LRRC14: variants seen among roughly 807,000 people sequenced by gnomAD.
The protein encoded by LRRC14 is leucine rich repeat containing 14.
Under a neutral mutation model 25.3 loss-of-function variants are expected in LRRC14, and 16 were observed. The ratio of observed to expected loss-of-function variants is 0.63; its 90% CI spans 0.43 to 0.96. The LOEUF (loss-of-function observed/expected upper bound fraction) is 0.96, where lower values mean the gene tolerates loss of function less well. Ranked by LOEUF, LRRC14 falls within the 40% of genes least tolerant of loss-of-function variation. The probability of loss-of-function intolerance (pLI) is 0.00; values close to 1 mark genes in which losing one functional copy is unlikely to be tolerated. For missense variants in LRRC14, 594 were observed against 660.5 expected, an observed-to-expected ratio of 0.90 and a Z score of 1.10; for synonymous variants, 359 against 295.1, an observed-to-expected ratio of 1.22 and a Z score of -2.22.
Position 144,520,937 on chromosome 8 carries a change from T to C in LRRC14, c.941T>C (p.Leu314Pro). The change falls in exon 4 of 4, where the codon CTG becomes CCG. Residue 314 changes from leucine (L) to proline (P), a missense_variant. Physicochemically the swap from Leu to Pro is moderately conservative, Grantham distance 98. Transcript: ENST00000292524. ...LSTLQSPLES[L>P]ELAFCALLPE... ...ACCCTGCAGAGCCCCCTGGAGAGCCTGGAGTTGGCCTTCTGTGCTCTGCTG... is the reference window on the plus strand; with the variant it reads ...ACCCTGCAGAGCCCCCTGGAGAGCCCGGAGTTGGCCTTCTGTGCTCTGCTG... 1 of 1,612,338 alleles carries C rather than the reference T, an allele frequency of 6.2e-7. No individual in the cohort carries two copies. The highest frequency in any genetic ancestry group is 8.5e-7 in the Non-Finnish European group (1 of 1,179,894).
In LRRC14 at chr8:144,521,728, C is replaced by T. The variant is rs1317453857; in HGVS notation, c.*250C>T. On this transcript the variant is annotated 3_prime_UTR_variant, in exon 4 of 4. Coordinates refer to ENST00000292524, the MANE Select transcript of LRRC14 (RefSeq NM_014665.4). ...GGGCTGGATGTCAGGCCTCCATTGC[C>T]CTGCTCAGTTTGGCTGCATTTGGCT... is the stretch of plus-strand genomic sequence containing the variant. 5.6e-6 allele frequency: 3 copies of T among 532,502 alleles called. No individual in the cohort carries two copies. Among genetic ancestry groups the T allele is most frequent in the South Asian group, 2.4e-5 (1 of 41,270 alleles). 33.0% of individuals were successfully genotyped at this position (532,502 alleles called of 1,614,324 possible).
chr8:144,519,557 G>C (rs544548871), intron 1 of LRRC14, 58 bp from the exon 2 acceptor site: 1 of 630,122 alleles, frequency 1.6e-6, no homozygotes, highest in Non-Finnish European at 2.8e-6. Context: ...CCAGCGCTAG[G>C]CATCTAATAG....
chr8:144,520,444 C>T lies in LRRC14; in HGVS notation c.536C>T (p.Ala179Val), dbSNP rs779098538. The T allele has an allele frequency of 1.8e-5, 28 of 1,598,082 alleles. No individual in the cohort carries two copies. The highest frequency in any genetic ancestry group is 1.4e-4 in the South Asian group (13 of 90,778). ...CTGCGGGTGAACCGGGCCTCCTATGCGTTCCTGCGGGAGGCACTCCGAAGC... is the reference window on the plus strand; with the variant it reads ...CTGCGGGTGAACCGGGCCTCCTATGTGTTCCTGCGGGAGGCACTCCGAAGC... ...VDLRVNRASY[A>V]FLREALRSSV... Residue 179 changes from alanine to valine, a missense_variant, in exon 3 of 4, where the codon GCG becomes GTG. By Grantham distance (64) the Ala-to-Val change is moderately conservative. Transcript: ENST00000292524.
At position 144,520,898 on chromosome 8, in the gene LRRC14, G is replaced by T. The variant is rs746515849; in HGVS notation, c.915-13G>T. 3.1e-6 allele frequency: 5 copies of T among 1,602,894 alleles called. No individual in the cohort carries two copies. The African/African-American group carries it at 5.3e-5, about 17-fold the overall frequency. On this transcript the variant is annotated splice_polypyrimidine_tract_variant and intron_variant, in intron 3 of 3. Coordinates refer to ENST00000292524, the MANE Select transcript of LRRC14 (RefSeq NM_014665.4). ...CTGGCTCTGCCTGTCTGTGACCCCT[G>T]TGTCCCCTGTAGCACCCTGCAGAGC...
rs1378917185 is a variant in LRRC14, at chr8:144,520,754, C to T, written c.846C>T (p.Arg282=). The change falls in exon 3 of 4, where the codon CGC becomes CGT. Residue 282 remains arginine, a synonymous_variant. Transcript: ENST00000292524. ...GCTACTTCCTTGCCCAGATGGGCCG[C>T]TTCACCTGTCTGCGTGAGCTCAGCA... ...NFRYFLAQMG[R]FTCLRELSMG... 1 of 1,598,776 alleles carries T rather than the reference C, an allele frequency of 6.3e-7. No individual in the cohort carries two copies. Among genetic ancestry groups the T allele is most frequent in the South Asian group, 1.1e-5 (1 of 91,088 alleles).
chr8:144,520,119 G>A (rs1012695900), intron 2 of LRRC14, 65 bp downstream of exon 2: 13 of 1,572,580 alleles, frequency 8.3e-6, no homozygotes, highest in African/African-American at 1.3e-5. Flanking sequence ...AGGAGGCTTG[G>A]GTCATAAAGT....
chr8:144,523,254 G>A lies in LRRC14; in HGVS notation c.*1776G>A, dbSNP rs1223372128. 2 of 1,610,530 alleles carry A rather than the reference G, an allele frequency of 1.2e-6. No homozygotes were observed. Among genetic ancestry groups the A allele is most frequent in the East Asian group, 2.2e-5 (1 of 44,768 alleles). ...TGGACAGAGGGCGGAATGCAGATGAGGCTGCTGTGGGATACGTCCAGGAGA... is the reference window on the plus strand; with the variant it reads ...TGGACAGAGGGCGGAATGCAGATGAAGCTGCTGTGGGATACGTCCAGGAGA... On this transcript the variant is annotated 3_prime_UTR_variant, in exon 4 of 4. Transcript: ENST00000292524.
rs201007982 is a variant in LRRC14 at position 144,520,938 on chromosome 8, G to A, written c.942G>A (p.Leu314=). 50 of 1,612,450 alleles carry A rather than the reference G, an allele frequency of 3.1e-5. No individual in the cohort carries two copies. Among genetic ancestry groups the A allele is most frequent in the Admixed American group, 2.2e-4 (13 of 60,024 alleles). Residue 314 remains leucine, a synonymous_variant, in exon 4 of 4, where the codon CTG becomes CTA. Coordinates refer to ENST00000292524, the MANE Select transcript of LRRC14 (RefSeq NM_014665.4). The part of the protein sequence containing the change: ...LSTLQSPLES[L]ELAFCALLPE... ...CCCTGCAGAGCCCCCTGGAGAGCCT[G>A]GAGTTGGCCTTCTGTGCTCTGCTGC...
In LRRC14 at chr8:144,521,461, G is replaced by A. The variant is rs770403772; in HGVS notation, c.1465G>A (p.Asp489Asn). ...TTDIYGRLAA[D>N]YFSL Reference sequence around the variant, plus strand: ...GGACATCTACGGGCGACTGGCTGCGGACTACTTCAGCCTATGATGAAGTAG... The same window carrying A: ...GGACATCTACGGGCGACTGGCTGCGAACTACTTCAGCCTATGATGAAGTAG... The change falls in exon 4 of 4, where the codon GAC (aspartate) becomes AAC (asparagine). Residue 489 changes from aspartate to asparagine, a missense_variant. By Grantham distance (23) the Asp-to-Asn change is conservative (BLOSUM62 1). Coordinates refer to ENST00000292524, the MANE Select transcript of LRRC14 (RefSeq NM_014665.4). 1 of 1,601,602 alleles carries A rather than the reference G, an allele frequency of 6.2e-7. No homozygotes were observed. Among genetic ancestry groups the A allele is most frequent in the Non-Finnish European group, 8.5e-7 (1 of 1,178,558 alleles).
chr8:144,520,126 A>G (rs1815899447), intron 2 of LRRC14, 72 bp downstream of exon 2: 10 of 1,570,202 alleles, frequency 6.4e-6, no homozygotes, highest in Non-Finnish European at 8.6e-6. Flanking sequence ...TTGGGTCATA[A>G]AGTTAGCAAG....
At chr8:144,519,352 G>T (rs1815792702) in intron 1 of LRRC14, 2 of 323,502 alleles carry the variant, frequency 6.2e-6, no homozygotes, top group South Asian at 7.9e-5. Context: ...TTGTGAAGCA[G>T]CTTTGTAATT....
At chr8:144,518,198 A>G (rs1237689406) in intron 1 of LRRC14, among the ~76,000 whole-genome samples, 157 bp downstream of exon 1, 2 of 151,834 alleles carry the variant, frequency 1.3e-5, no homozygotes, top group Non-Finnish European at 2.9e-5. Flanking sequence ...GGAGCCTGGG[A>G]GGTGCCACCG....
At position 144,524,667 on chromosome 8, in the gene LRRC14, G is replaced by C. The variant is rs1271511819; in HGVS notation, c.*3189G>C. ...GAGCCGGCGCAGAGCGGCGAGTGGC[G>C]CCAGGGCTCCCGGCTCTAGGCGGGC... On this transcript the variant is annotated 3_prime_UTR_variant, in exon 4 of 4. Coordinates refer to ENST00000292524, the MANE Select transcript of LRRC14 (RefSeq NM_014665.4). 2 of 1,488,386 alleles carry C rather than the reference G, an allele frequency of 1.3e-6. No individual in the cohort carries two copies. The highest frequency in any genetic ancestry group is 1.8e-6 in the Non-Finnish European group (2 of 1,129,996). The allele number at this position is 1,488,386 out of a possible 1,614,324, so 92.2% of individuals were successfully genotyped here.
At position 144,520,036 on chromosome 8, in the gene LRRC14, G is replaced by A. The variant is rs1466161863; in HGVS notation, c.311G>A (p.Ser104Asn). The A allele has an allele frequency of 3.1e-6, 5 of 1,605,984 alleles. No homozygotes were observed. The East Asian group carries it at 6.7e-5, about 22-fold the overall frequency. ...CTCCACACCTCAGAGCCTGGGGCCA[G>A]CACACAGCCCCTCTGCAGGTATGGA... ...ARLHTSEPGASTQPLCRKHAL... is the reference protein window; with the variant it reads ...ARLHTSEPGANTQPLCRKHAL... Residue 104 changes from serine (S) to asparagine (N), a missense_variant, in exon 2 of 4, where the codon AGC becomes AAC. Physicochemically the swap from Ser to Asn is conservative, Grantham distance 46. Coordinates refer to ENST00000292524, the MANE Select transcript of LRRC14 (RefSeq NM_014665.4).
Position 144,524,539 on chromosome 8 carries a change from G to T in LRRC14, c.*3061G>T, listed in dbSNP as rs760911024. The T allele has an allele frequency of 1.3e-6, 2 of 1,582,048 alleles. No individual in the cohort carries two copies. Among genetic ancestry groups the T allele is most frequent in the East Asian group, 2.3e-5 (1 of 44,104 alleles). On this transcript the variant is annotated 3_prime_UTR_variant, in exon 4 of 4. Coordinates refer to ENST00000292524, the MANE Select transcript of LRRC14 (RefSeq NM_014665.4). The stretch of plus-strand genomic sequence containing the variant: ...GCCAGGCCTACGAAGGCGCCGCTGC[G>T]CAAGCCGCGCAGCCGGTTGCTAGTG...
At chr8:144,520,120 G>A in intron 2 of LRRC14, 66 bp downstream of exon 2, 3 of 1,573,188 alleles carry the variant, frequency 1.9e-6, no homozygotes, top group East Asian at 4.5e-5. Flanking sequence ...GGAGGCTTGG[G>A]TCATAAAGTT....
rs1362119682 is a variant in LRRC14, at chr8:144,523,153, C to G, written c.*1675C>G. 1.2e-6 allele frequency: 2 copies of G among 1,610,896 alleles called. No individual in the cohort carries two copies. The highest frequency in any genetic ancestry group is 2.2e-5 in the South Asian group (2 of 90,912). ...GCACCTTTCTCCAGGTCACCAATGG[C>G]TGCGGGTAGCCGGAGGCTTGGCAGG... On this transcript the variant is annotated 3_prime_UTR_variant, in exon 4 of 4. Transcript: ENST00000292524.
At position 144,523,568 on chromosome 8, in the gene LRRC14, C is replaced by G; in HGVS notation, c.*2090C>G. 2.5e-6 allele frequency: 3 copies of G among 1,204,674 alleles called. No homozygotes were observed. Among genetic ancestry groups the G allele is most frequent in the Non-Finnish European group, 3.2e-6 (3 of 928,944 alleles). The allele number at this position is 1,204,674 out of a possible 1,614,324, so 74.6% of individuals were successfully genotyped here. On this transcript the variant is annotated 3_prime_UTR_variant, in exon 4 of 4. Transcript: ENST00000292524. The stretch of plus-strand genomic sequence containing the variant: ...GCCACCCCTTCCTTGACCCCAAGCT[C>G]CTTGGGGCGGCAGGCCCTTCACCCT...
Position 144,520,501 on chromosome 8 carries a change from G to A in LRRC14, c.593G>A (p.Arg198Gln). The change falls in exon 3 of 4, where the codon CGG (arginine) becomes CAG (glutamine). Residue 198 changes from arginine (R) to glutamine (Q), a missense_variant. By Grantham distance (43) the Arg-to-Gln change is conservative. Transcript: ENST00000292524. ...GGCAGCCCGCTGCGGCTCTGCTGCC[G>A]GGACCTGCGAGCTGAGGACCTGCCC... ...SVGSPLRLCCRDLRAEDLPMR... is the reference protein window; with the variant it reads ...SVGSPLRLCCQDLRAEDLPMR... The A allele has an allele frequency of 1.3e-6, 2 of 1,598,748 alleles. No homozygotes were observed. Among genetic ancestry groups the A allele is most frequent in the Non-Finnish European group, 1.7e-6 (2 of 1,178,710 alleles).
Sources: allele counts gnomAD v4.1 joint callset (sites outside exome capture counted in the v4.1 genomes callset), GRCh38; gene constraint gnomAD v4.1.1; transcripts MANE v1.5; gene names NCBI Gene and HGNC (gene_info 2026-07-23, HGNC 2026-07-21).